Variants in ATP2B2 observed in about 807,000 individuals in gnomAD.
ATP2B2 encodes the protein plasma membrane calcium-transporting ATPase 2.
A neutral mutation model predicts 120.0 loss-of-function variants in ATP2B2; 15 were observed. The ratio of observed to expected loss-of-function variants is 0.12; its 90% CI spans 0.08 to 0.19. ATP2B2 has a LOEUF of 0.19. Among genes scored for constraint, ATP2B2 ranks in the 10% least tolerant of loss-of-function variants. The pLI is 1.00. For missense variants in ATP2B2, 1,045 were observed against 1,719.8 expected, an observed-to-expected ratio of 0.61 and a Z score of 6.94; for synonymous variants, 694 against 700.3, an observed-to-expected ratio of 0.99 and a Z score of 0.14.
chr3:10,382,408 A>G (rs1323286776), intron 8 of ATP2B2, among the ~76,000 whole-genome samples: 2 of 151,474 alleles, frequency 1.3e-5, no homozygotes, highest in East Asian at 3.9e-4. Context: ...GTGCAGTGGC[A>G]TGATCTCAGC....
At position 10,408,789 on chromosome 3, in the gene ATP2B2, C is replaced by G. The variant is rs958929016; in HGVS notation, c.397+1829G>C. 5.9e-5 allele frequency among the ~76,000 whole-genome samples: 9 copies of G among 152,172 alleles called. No individual in the cohort carries two copies. The South Asian group carries it at 6.2e-4, about 11-fold the overall frequency. On this transcript the variant is annotated intron_variant, in intron 3 of 22. Coordinates refer to ENST00000360273, the MANE Select transcript of ATP2B2 (RefSeq NM_001001331.4). ...CTCGGTCCATGTTACCCCTCCACCCCCTCCACCACCTGCTATCTGAGTTCT... is the reference window on the plus strand; with the variant it reads ...CTCGGTCCATGTTACCCCTCCACCCGCTCCACCACCTGCTATCTGAGTTCT...
intron 3 of ATP2B2, among the ~76,000 whole-genome samples, chr3:10,529,795 C>T (rs1485676865): frequency 6.6e-6 from 1 of 152,134 alleles, no homozygotes; most frequent in Non-Finnish European, 1.5e-5. Context: ...AGAATGGGCC[C>T]TAATCTGGAA....
At position 10,342,970 on chromosome 3, in the gene ATP2B2, G is replaced by A. The variant is rs756776991; in HGVS notation, c.2704-5C>T. Reference sequence around the variant, plus strand: ...CACGGCCTTCAGAGGGGAGTCCTGGGGACGGGCAGGAGAGGGCTGTCACCT... The same window carrying A: ...CACGGCCTTCAGAGGGGAGTCCTGGAGACGGGCAGGAGAGGGCTGTCACCT... On this transcript the variant is annotated splice_polypyrimidine_tract_variant and splice_region_variant and intron_variant, in intron 18 of 22. Transcript: ENST00000360273. The surrounding 1 kb of genome is among the most constrained non-coding windows in gnomAD (Gnocchi z 4.4). 1.2e-6 allele frequency: 2 copies of A among 1,613,528 alleles called. No homozygotes were observed. The highest frequency in any genetic ancestry group is 2.2e-5 in the East Asian group (1 of 44,876).
At chr3:10,632,515 G>C (rs1317568909) in intron 1 of ATP2B2, among the ~76,000 whole-genome samples, 1 of 152,236 alleles carries the variant, frequency 6.6e-6, no homozygotes, top group Non-Finnish European at 1.5e-5. Flanking sequence ...AGGGATCCTG[G>C]CACACAGTAG....
intron 2 of ATP2B2, among the ~76,000 whole-genome samples, chr3:10,591,562 G>A (rs980081191): frequency 1.3e-5 from 2 of 152,110 alleles, no homozygotes; most frequent in East Asian, 1.9e-4. Context: ...CCACTTCCAA[G>A]CATGGCATGT....
intron 2 of ATP2B2, among the ~76,000 whole-genome samples, chr3:10,567,846 G>A (rs1269088747): frequency 6.6e-6 from 1 of 152,134 alleles, no homozygotes; most frequent in African/African-American, 2.4e-5. Flanking sequence ...TGGGTGCTCA[G>A]GGAACAAATG....
chr3:10,625,919 A>G (rs926870445), intron 1 of ATP2B2: 2 of 152,264 alleles, frequency 1.3e-5, no homozygotes, highest in African/African-American at 4.8e-5. Flanking sequence ...TAATAGCATC[A>G]GCAGTCTGCC....
At chr3:10,540,901 T>C (rs192002982) in intron 2 of ATP2B2, among the ~76,000 whole-genome samples, 2,067 of 151,976 alleles carry the variant, frequency 0.014, 24 homozygotes, top group Non-Finnish European at 0.022. Context: ...CTGGGGATTT[T>C]TTTTTTAGGA....
intron 2 of ATP2B2, among the ~76,000 whole-genome samples, chr3:10,411,484 T>A (rs2062609525): frequency 6.6e-6 from 1 of 152,198 alleles, no homozygotes; most frequent in Admixed American, 6.5e-5. Context: ...CCGCTCTCCC[T>A]CCTGTCGAAT....
intron 22 of ATP2B2, chr3:10,336,146 G>A (rs2060110567): frequency 5.8e-6 from 9 of 1,550,528 alleles, no homozygotes; most frequent in Admixed American, 3.9e-5. Context: ...TGCAGCAGGA[G>A]GAAGGCTGGT....
chr3:10,392,447 A>G (rs890809361), intron 5 of ATP2B2, among the ~76,000 whole-genome samples: 1 of 150,426 alleles, frequency 6.6e-6, no homozygotes, highest in African/African-American at 2.5e-5. Flanking sequence ...CAGCTCCACG[A>G]GTCCCCTGCA....
chr3:10,633,296 G>A (rs873080), intron 1 of ATP2B2, among the ~76,000 whole-genome samples: 2,177 of 152,238 alleles, frequency 0.014, 54 homozygotes, highest in African/African-American at 0.041. Flanking sequence ...CCCTGCCTCC[G>A]CTTCCAAAAG....
chr3:10,471,568 G>A (rs919144011), intron 1 of ATP2B2, among the ~76,000 whole-genome samples: 2 of 151,956 alleles, frequency 1.3e-5, no homozygotes, highest in African/African-American at 2.4e-5. Context: ...GGAGTGGGAG[G>A]AGAGGGAGGG....
intron 5 of ATP2B2, among the ~76,000 whole-genome samples, chr3:10,391,620 G>T (rs1474655493): frequency 6.6e-6 from 1 of 152,184 alleles, no homozygotes; most frequent in Non-Finnish European, 1.5e-5. Flanking sequence ...GGCATAGTGC[G>T]CTCCCCGCCC....
chr3:10,346,330 C>T lies in ATP2B2; in HGVS notation c.2405-193G>A, dbSNP rs191439375. Reference sequence around the variant, plus strand: ...CCAGCAGGTTACAGTGGGCTCCTTACTGGGCTGGTGCCGACTTGGGGCCCC... The same window carrying T: ...CCAGCAGGTTACAGTGGGCTCCTTATTGGGCTGGTGCCGACTTGGGGCCCC... On this transcript the variant is annotated intron_variant, in intron 16 of 22. Coordinates refer to ENST00000360273, the MANE Select transcript of ATP2B2 (RefSeq NM_001001331.4). The surrounding 1 kb of genome is among the most constrained non-coding windows in gnomAD (Gnocchi z 4.1). Among the ~76,000 whole-genome samples, 1 of 152,388 alleles carries T rather than the reference C, an allele frequency of 6.6e-6. No individual in the cohort carries two copies. Among genetic ancestry groups the T allele is most frequent in the Admixed American group, 6.5e-5 (1 of 15,310 alleles).
chr3:10,692,387 C>T (rs2071680936), intron 1 of ATP2B2, among the ~76,000 whole-genome samples: 1 of 152,178 alleles, frequency 6.6e-6, no homozygotes. Context: ...GTCATCTGGC[C>T]TCGCAGACTT....
chr3:10,472,959 C>T (rs1350713759), intron 1 of ATP2B2, among the ~76,000 whole-genome samples: 1 of 152,204 alleles, frequency 6.6e-6, no homozygotes, highest in Non-Finnish European at 1.5e-5. Flanking sequence ...AACTGAGGAC[C>T]CATGTTGGTA....
intron 2 of ATP2B2, among the ~76,000 whole-genome samples, chr3:10,534,592 T>C (rs1475408173): frequency 6.6e-6 from 1 of 152,248 alleles, no homozygotes; most frequent in African/African-American, 2.4e-5. Flanking sequence ...ATGGCCTGTG[T>C]GTGGCCTGTG....
chr3:10,512,473 CA>C (rs2066786822), intron 3 of ATP2B2, among the ~76,000 whole-genome samples: 1 of 57,034 alleles, frequency 1.8e-5, no homozygotes, highest in Non-Finnish European at 3.6e-5. Flanking sequence ...CGCACACACA[CA>C]CACACACACA....
Sources: gnomAD v4.1 joint callset for allele counts (sites outside exome capture counted in the v4.1 genomes callset) on GRCh38, gnomAD v4.1.1 for gene constraint, Gnocchi (gnomAD v3.1) non-coding constraint, MANE v1.5 for transcripts, NCBI Gene and HGNC (gene_info 2026-07-23, HGNC 2026-07-21) for gene names.